The following SH3BP2 variants were observed in gnomAD, a reference collection of about 807,000 sequenced individuals.
The protein encoded by SH3BP2 is SH3 domain-binding protein 2.
In SH3BP2, 38 loss-of-function variants were observed where a neutral mutation model predicts 56.2. The observed-to-expected ratio is 0.68, with a 90% CI of 0.52 to 0.89. The LOEUF is 0.89. SH3BP2 is among the 40% of genes least tolerant of loss of function. SH3BP2 has a pLI of 0.00. For synonymous variants in SH3BP2, 346 were observed against 316.7 expected, an observed-to-expected ratio of 1.09 and a Z score of -0.98; for missense variants, 748 against 762.6, an observed-to-expected ratio of 0.98 and a Z score of 0.23.
intron 1 of SH3BP2, chr4:2,818,093 C>A: frequency 4.2e-6 from 2 of 479,360 alleles, no homozygotes; most frequent in Non-Finnish European, 5.4e-6. Context: ...GCAGGGGGCT[C>A]ACGTGCCTCC....
chr4:2,794,112 G>A (rs1449333020), intron 1 of SH3BP2: 1 of 152,506 alleles, frequency 6.6e-6, no homozygotes. Flanking sequence ...TACTCCGTGT[G>A]GGCTGCTGGG....
chr4:2,829,894 A>G lies in SH3BP2; in HGVS notation c.988A>G (p.Asn330Asp), dbSNP rs1422063754. 4.3e-6 allele frequency: 7 copies of G among 1,613,734 alleles called. No homozygotes were observed. In the South Asian group the frequency reaches 7.7e-5, roughly 18 times the overall value. ...CATCATGGCCACTGCCACCTCCAGA[A>G]ACTGTGACAAACTCAAGTCCTTCCA... Reference protein sequence around the residue: ...AAIMATATSRNCDKLKSFHLS... With the variant: ...AAIMATATSRDCDKLKSFHLS... The change falls in exon 8 of 13, where the codon AAC becomes GAC. Residue 330 changes from asparagine (N) to aspartate (D), a missense_variant. Coordinates refer to ENST00000503393, the MANE Select transcript of SH3BP2 (RefSeq NM_001122681.2). This position sits in a 1 kb window ranked among gnomAD's most constrained non-coding sequence, Gnocchi z 4.9.
At chr4:2,824,585 G>T (rs922169703) in intron 3 of SH3BP2, 28 bp from the exon 4 acceptor site, 2 of 1,565,452 alleles carry the variant, frequency 1.3e-6, no homozygotes, top group East Asian at 4.5e-5. Context: ...TGTGAACCAG[G>T]CCGTGACCCC....
chr4:2,797,290 C>T (rs948423810), intron 1 of SH3BP2, among the ~76,000 whole-genome samples: 7 of 152,168 alleles, frequency 4.6e-5, no homozygotes, highest in Admixed American at 3.9e-4. Flanking sequence ...TTTTTCTCAG[C>T]CTTGGGAGTC....
chr4:2,822,131 C>G (rs113350751), intron 2 of SH3BP2, among the ~76,000 whole-genome samples: 2,696 of 152,266 alleles, frequency 0.018, 39 homozygotes, highest in South Asian at 0.042. Context: ...TCCTAAAGTT[C>G]TGGGATTACA....
intron 1 of SH3BP2, among the ~76,000 whole-genome samples, chr4:2,811,333 C>A (rs1723742308): frequency 6.6e-6 from 1 of 152,216 alleles, no homozygotes; most frequent in African/African-American, 2.4e-5. Flanking sequence ...AGATGAGACC[C>A]CTGCAGCTTT....
At chr4:2,820,927 C>T (rs1234834767) in intron 2 of SH3BP2, among the ~76,000 whole-genome samples, 174 bp downstream of exon 2, 4 of 152,174 alleles carry the variant, frequency 2.6e-5, no homozygotes, top group Admixed American at 2.0e-4. Flanking sequence ...CTTCCCTAGC[C>T]CCCAGGACTG....
rs1175501543 is a variant in SH3BP2 at position 2,802,404 on chromosome 4, ATGTGTGTGTGTG to A, written c.-5+9294_-5+9305del. On this transcript the variant is annotated intron_variant, in intron 1 of 12. Transcript: ENST00000503393. ...GTGAGACTCTGTCTCAAAAAAATAT[ATGTGTGTGTGTG>A]TGTGTGTGTGTGTGTGTGTGTGTGT... 6.6e-5 allele frequency among the ~76,000 whole-genome samples: 9 copies of A among 135,976 alleles called. No homozygotes were observed. In the South Asian group the frequency reaches 1.4e-3, roughly 22 times the overall value. 89.2% of individuals were successfully genotyped at this position (135,976 alleles called of 152,430 possible).
At chr4:2,818,412 C>T (rs1178225307) in intron 1 of SH3BP2, 16 of 1,162,068 alleles carry the variant, frequency 1.4e-5, no homozygotes, top group Non-Finnish European at 1.7e-5. Context: ...GCCCCGGCCC[C>T]CGAGCCCCGG....
In SH3BP2 at chr4:2,832,374, C is replaced by G. The variant is rs2108742062; in HGVS notation, c.1450C>G (p.Leu484Val). 6.2e-7 allele frequency: 1 copy of G among 1,614,126 alleles called. No individual in the cohort carries two copies. The highest frequency in any genetic ancestry group is 8.5e-7 in the Non-Finnish European group (1 of 1,179,986). Residue 484 changes from leucine to valine, a missense_variant, in exon 11 of 13, where the codon CTC becomes GTC. Around this residue, in one of 3 missense-constraint regions of SH3BP2, gnomAD observed 635 missense variants for 615.0 expected, o/e 1.03. Coordinates refer to ENST00000503393, the MANE Select transcript of SH3BP2 (RefSeq NM_001122681.2). ...CCCCCGGGGAGAGCCCCAGGATGGACTCTACTGCATCCGGAACTCCTCTAC... is the reference window on the plus strand; with the variant it reads ...CCCCCGGGGAGAGCCCCAGGATGGAGTCTACTGCATCCGGAACTCCTCTAC... ...TSPRGEPQDG[L>V]YCIRNSSTKS... is the part of the protein sequence containing the mutation.
At position 2,831,150 on chromosome 4, in the gene SH3BP2, C is replaced by G. The variant is rs956256038; in HGVS notation, c.1242-421C>G. On this transcript the variant is annotated intron_variant, in intron 8 of 12. Coordinates refer to ENST00000503393, the MANE Select transcript of SH3BP2 (RefSeq NM_001122681.2). This position sits in a 1 kb window ranked among gnomAD's most constrained non-coding sequence, Gnocchi z 4.1. ...AGGACCGGCTAGCCACACAGGGAGG[C>G]GTGCAGGGACGCCATGGGCGTCCTT... is the stretch of plus-strand genomic sequence containing the variant. 2.0e-5 allele frequency among the ~76,000 whole-genome samples: 3 copies of G among 152,368 alleles called. No homozygotes were observed. Among genetic ancestry groups the G allele is most frequent in the African/African-American group, 7.2e-5 (3 of 41,580 alleles).
At chr4:2,828,002 C>G (rs1372706608) in intron 7 of SH3BP2, among the ~76,000 whole-genome samples, 1 of 152,168 alleles carries the variant, frequency 6.6e-6, no homozygotes, top group Non-Finnish European at 1.5e-5. Flanking sequence ...GTCCATGTCC[C>G]CATGGCTGCC....
rs1577373007 is a variant in SH3BP2, at chr4:2,833,236, C to T, written c.1548+187C>T. 9.0e-6 allele frequency: 6 copies of T among 664,832 alleles called. No individual in the cohort carries two copies. In the East Asian group the frequency reaches 1.6e-4, roughly 18 times the overall value. 41.2% of individuals were successfully genotyped at this position (664,832 alleles called of 1,614,324 possible). The stretch of plus-strand genomic sequence containing the variant: ...CTGCTCAGCCTCCCTCCTCTCGTGG[C>T]CTACCTTTGTCCTCCACTGACCCTA... On this transcript the variant is annotated intron_variant, in intron 12 of 12. Transcript: ENST00000503393.
rs1725299146 is a variant in SH3BP2 at position 2,838,147 on chromosome 4, A to T, written c.*4313A>T. The stretch of plus-strand genomic sequence containing the variant: ...TCCTGCAGAATAAAACAACATACAG[A>T]AAAGTGAATAAAACATAAATGCACA... On this transcript the variant is annotated 3_prime_UTR_variant, in exon 13 of 13. Transcript: ENST00000503393. 1 of 152,216 alleles carries T rather than the reference A, an allele frequency of 6.6e-6. No individual in the cohort carries two copies. The highest frequency in any genetic ancestry group is 2.4e-5 in the African/African-American group (1 of 41,430). The allele number at this position is 152,216 out of a possible 1,614,324, so 9.4% of individuals were successfully genotyped here.
chr4:2,803,031 T>A (rs1723375250), intron 1 of SH3BP2, among the ~76,000 whole-genome samples: 1 of 152,166 alleles, frequency 6.6e-6, no homozygotes, highest in Non-Finnish European at 1.5e-5. Flanking sequence ...GAGCCCGAGG[T>A]GTGTGCAGGA....
At chr4:2,820,550 G>T in intron 1 of SH3BP2, 64 bp from the exon 2 acceptor site, 1 of 1,601,288 alleles carries the variant, frequency 6.2e-7, no homozygotes, top group Non-Finnish European at 8.6e-7. Context: ...CCCCCTGAGC[G>T]CCCTGGCTCA....
At chr4:2,830,307 T>C (rs1410589618) in intron 8 of SH3BP2, among the ~76,000 whole-genome samples, 160 bp downstream of exon 8, 3 of 152,234 alleles carry the variant, frequency 2.0e-5, no homozygotes, top group Non-Finnish European at 4.4e-5. Flanking sequence ...CCAGTCCGCC[T>C]TGGTGGAACG....
intron 1 of SH3BP2, chr4:2,809,960 C>T (rs945496824): frequency 3.1e-5 from 9 of 292,006 alleles, no homozygotes; most frequent in African/African-American, 2.0e-4. Flanking sequence ...ATTGAGGCGG[C>T]CCCGGCCATG....
chr4:2,798,244 C>G (rs976624975), intron 1 of SH3BP2, among the ~76,000 whole-genome samples: 2 of 152,236 alleles, frequency 1.3e-5, no homozygotes, highest in Non-Finnish European at 2.9e-5. Context: ...AAAGTGCTTT[C>G]TTTCTCTGTA....
Sources: allele counts gnomAD v4.1 joint callset (sites outside exome capture counted in the v4.1 genomes callset), GRCh38; gene constraint gnomAD v4.1.1; regional missense constraint gnomAD v4.1.1; non-coding constraint Gnocchi (gnomAD v3.1); transcripts MANE v1.5; gene names NCBI Gene and HGNC (gene_info 2026-07-23, HGNC 2026-07-21).